MPI: variants seen among roughly 807,000 people sequenced by gnomAD.
MPI encodes the protein mannose-6-phosphate isomerase.
MPI carries 33 observed loss-of-function variants against 40.1 expected under a neutral mutation model. The ratio of observed to expected loss-of-function variants is 0.82; its 90% CI spans 0.62 to 1.10. The LOEUF (loss-of-function observed/expected upper bound fraction) is 1.10. MPI is among the 50% of genes least tolerant of loss of function. MPI has a pLI of 0.00. For missense variants in MPI, 514 were observed against 524.1 expected (o/e 0.98, Z 0.19); for synonymous variants, 187 against 207.4 (o/e 0.90, Z 0.85).
At position 74,901,899 on chromosome 15, in the gene MPI, G is replaced by A; in HGVS notation, c.*4169G>A. The stretch of plus-strand genomic sequence containing the variant: ...CAAATAAATAAATATGAACATGTCA[G>A]AGCAGTTTTTCTCTAACTAGGGAAG... On this transcript the variant is annotated 3_prime_UTR_variant, in exon 8 of 8. Transcript: ENST00000352410. 1 of 391,348 alleles carries A rather than the reference G, an allele frequency of 2.6e-6. No homozygotes were observed. Among genetic ancestry groups the A allele is most frequent in the Non-Finnish European group, 4.5e-6 (1 of 222,002 alleles). 24.2% of individuals were successfully genotyped at this position (391,348 alleles called of 1,614,324 possible). A position where few individuals can be genotyped will look rare whatever the true frequency, so the allele number is the denominator to read the frequency against.
intron 6 of MPI, 185 bp from the exon 7 acceptor site, chr15:74,896,826 A>G: frequency 1.5e-6 from 1 of 683,308 alleles, no homozygotes; most frequent in Non-Finnish European, 2.6e-6. Flanking sequence ...CCCCTCTGAC[A>G]ATAATGGGTG....
chr15:74,891,352 C>G (rs769127929), intron 2 of MPI, 27 bp from the exon 3 acceptor site: 1 of 1,610,436 alleles, frequency 6.2e-7, no homozygotes. Context: ...CTTCCCCCTT[C>G]CCCTCCCAAG....
In MPI at chr15:74,893,263, GAGA is replaced by G. The variant is rs756522536; in HGVS notation, c.619_621del (p.Lys207del). The G allele has an allele frequency of 9.3e-6, 15 of 1,614,116 alleles. No homozygotes were observed. The highest frequency in any genetic ancestry group is 1.3e-5 in the African/African-American group (1 of 74,934). ...CTGTTTCTCCCACCTGATGAAGAGTGAGAAGAAGGTGGTGGTGGAACAGCTCAA... is the reference window on the plus strand; with the variant it reads ...CTGTTTCTCCCACCTGATGAAGAGTGAGAAGGTGGTGGTGGAACAGCTCAA... On this transcript the variant is annotated inframe_deletion, in exon 5 of 8. Coordinates refer to ENST00000352410, the MANE Select transcript of MPI (RefSeq NM_002435.3).
chr15:74,897,351 C>T, intron 7 of MPI, 132 bp downstream of exon 7: 1 of 1,323,882 alleles, frequency 7.6e-7, no homozygotes, highest in Admixed American at 1.8e-5. Flanking sequence ...AGGGCCTGCC[C>T]ATTCCTTCCT....
intron 6 of MPI, 92 bp from the exon 7 acceptor site, chr15:74,896,919 G>A (rs1233405088): frequency 8.3e-7 from 1 of 1,201,548 alleles, no homozygotes; most frequent in Non-Finnish European, 1.2e-6. Flanking sequence ...ACCTAACTTG[G>A]CATGGGGTTC....
intron 5 of MPI, among the ~76,000 whole-genome samples, chr15:74,894,114 T>C: frequency 1.2e-5 from 1 of 86,116 alleles, no homozygotes; most frequent in Non-Finnish European, 3.1e-5. Flanking sequence ...GTGTGGTCTC[T>C]TTCTGTTGCC....
intron 2 of MPI, 106 bp downstream of exon 2, chr15:74,890,760 G>A: frequency 6.6e-7 from 1 of 1,525,906 alleles, no homozygotes; most frequent in Admixed American, 1.7e-5. Context: ...CAAGGAGGGA[G>A]GAGACCCACT....
At chr15:74,896,714 C>G (rs1469967473) in intron 6 of MPI, 1 of 608,190 alleles carries the variant, frequency 1.6e-6, no homozygotes, top group East Asian at 2.7e-5. Context: ...CACCTTTCGA[C>G]TGTTGGCTGC....
intron 1 of MPI, 93 bp from the exon 2 acceptor site, chr15:74,890,434 C>T (rs2141195657): frequency 1.3e-6 from 2 of 1,552,244 alleles, no homozygotes. Flanking sequence ...GACTCTGTCC[C>T]CAGTGAGCAC....
intron 5 of MPI, among the ~76,000 whole-genome samples, chr15:74,894,623 C>CAA (rs199794406): frequency 0.12 from 15,612 of 126,670 alleles, 1,330 homozygotes; most frequent in South Asian, 0.37. Flanking sequence ...GACTCTGTCT[C>CAA]AAAAAAAAAA....
intron 6 of MPI, chr15:74,896,602 C>A (rs191964997): frequency 1.1e-5 from 7 of 630,424 alleles, no homozygotes; most frequent in Non-Finnish European, 1.7e-5. Context: ...TGAACGCAGG[C>A]TATATTGGAT....
intron 5 of MPI, chr15:74,893,646 C>T (rs2064759764): frequency 3.4e-6 from 2 of 592,540 alleles, no homozygotes; most frequent in South Asian, 4.1e-5. Context: ...GGACTTGTAT[C>T]TCGGGGCTAA....
At chr15:74,894,623 C>A (rs923046638) in intron 5 of MPI, among the ~76,000 whole-genome samples, 98 of 126,776 alleles carry the variant, frequency 7.7e-4, no homozygotes, top group East Asian at 1.7e-3. Context: ...GACTCTGTCT[C>A]AAAAAAAAAA....
In MPI at chr15:74,900,506, C is replaced by T. The variant is rs577314562; in HGVS notation, c.*2776C>T. On this transcript the variant is annotated 3_prime_UTR_variant, in exon 8 of 8. Coordinates refer to ENST00000352410, the MANE Select transcript of MPI (RefSeq NM_002435.3). ...TAGGTCTATACTTACCTTCCACAGC[C>T]ACCTCCCAGCACACACTGGGTCCCT... is the stretch of plus-strand genomic sequence containing the variant. The T allele has an allele frequency of 4.6e-5, 7 of 152,428 alleles. No homozygotes were observed. Among genetic ancestry groups the T allele is most frequent in the African/African-American group, 1.7e-4 (7 of 41,570 alleles). 9.4% of individuals were successfully genotyped at this position (152,428 alleles called of 1,614,324 possible).
At chr15:74,890,699 G>C (rs187311133) in intron 2 of MPI, 45 bp downstream of exon 2, 1 of 1,609,144 alleles carries the variant, frequency 6.2e-7, no homozygotes, top group African/African-American at 1.3e-5. Flanking sequence ...CGCAGGTCAG[G>C]AGAAAGGGCC....
chr15:74,896,452 G>T, intron 6 of MPI, 127 bp downstream of exon 6: 1 of 1,074,112 alleles, frequency 9.3e-7, no homozygotes, highest in Non-Finnish European at 1.4e-6. Flanking sequence ...ACCTCTGAGG[G>T]TTCCTGGGCT....
At position 74,890,065 on chromosome 15, in the gene MPI, G is replaced by C; in HGVS notation, c.-9G>C. 2 of 1,607,048 alleles carry C rather than the reference G, an allele frequency of 1.2e-6. No individual in the cohort carries two copies. Among genetic ancestry groups the C allele is most frequent in the Non-Finnish European group, 1.7e-6 (2 of 1,179,968 alleles). The stretch of plus-strand genomic sequence containing the variant: ...GCATACGTGCTTAATCCTGGTGCAG[G>C]GGGCGAGCATGGCCGCTCCGCGAGG... On this transcript the variant is annotated 5_prime_UTR_variant, in exon 1 of 8. Coordinates refer to ENST00000352410, the MANE Select transcript of MPI (RefSeq NM_002435.3).
Position 74,897,636 on chromosome 15 carries a change from G to A in MPI, c.1178G>A (p.Gly393Asp), listed in dbSNP as rs201815588. The A allele has an allele frequency of 1.2e-6, 2 of 1,614,094 alleles. No homozygotes were observed. The highest frequency in any genetic ancestry group is 2.7e-5 in the African/African-American group (2 of 74,926). The change falls in exon 8 of 8, where the codon GGT becomes GAT. Residue 393 changes from glycine to aspartate, a missense_variant. Gly to Asp is a moderately conservative substitution (Grantham distance 94, BLOSUM62 -1). Coordinates refer to ENST00000352410, the MANE Select transcript of MPI (RefSeq NM_002435.3). ...TTQTPIPLQR[G>D]GVLFIGANES... is the part of the protein sequence containing the mutation. The stretch of plus-strand genomic sequence containing the variant: ...CAGACACCAATCCCTCTGCAACGTG[G>A]TGGCGTGCTCTTCATTGGGGCCAAT...
In MPI at chr15:74,897,779, C is replaced by A; in HGVS notation, c.*49C>A. 1.3e-6 allele frequency: 2 copies of A among 1,565,584 alleles called. No homozygotes were observed. The highest frequency in any genetic ancestry group is 1.8e-6 in the Non-Finnish European group (2 of 1,137,874). ...CTCTGCCAGCCACCCTAAATTCCAG[C>A]CAACCTCACCTCCTCGGGCCCAGCT... is the stretch of plus-strand genomic sequence containing the variant. On this transcript the variant is annotated 3_prime_UTR_variant, in exon 8 of 8. Coordinates refer to ENST00000352410, the MANE Select transcript of MPI (RefSeq NM_002435.3).
Sources: gnomAD v4.1 joint callset for allele counts (sites outside exome capture counted in the v4.1 genomes callset) on GRCh38, gnomAD v4.1.1 for gene constraint, MANE v1.5 for transcripts, NCBI Gene and HGNC (gene_info 2026-07-23, HGNC 2026-07-21) for gene names.